Variants in SYNJ1 observed in about 807,000 individuals in gnomAD.
SYNJ1 encodes synaptojanin 1, also known as polyphosphatidylinositol phosphatase SYNJ1.
SYNJ1 carries 78 observed loss-of-function variants against 168.2 expected under a neutral mutation model. The observed-to-expected ratio is 0.46, with a 90% CI of 0.39 to 0.56. SYNJ1 has a LOEUF of 0.56. Among genes scored for constraint, SYNJ1 ranks in the 20% least tolerant of loss-of-function variants. SYNJ1 has a pLI of 0.00. For synonymous variants in SYNJ1, 539 were observed against 548.6 expected (o/e 0.98, Z 0.24); for missense variants, 1,303 against 1,597.6 (o/e 0.82, Z 3.14).
chr21:32,655,506 G>C (rs1015103722), intron 21 of SYNJ1, among the ~76,000 whole-genome samples: 6 of 152,098 alleles, frequency 3.9e-5, no homozygotes, highest in African/African-American at 1.4e-4. Context: ...AGGACTTGAG[G>C]TGTCTTTGAT....
In SYNJ1 at chr21:32,721,347, A is replaced by G. The variant is rs1165552933; in HGVS notation, c.124+5425T>C. Among the ~76,000 whole-genome samples, 5 of 152,266 alleles carry G rather than the reference A, an allele frequency of 3.3e-5. 1 individual carries two copies. Among genetic ancestry groups the G allele is most frequent in the African/African-American group, 1.2e-4 (5 of 41,474 alleles). On this transcript the variant is annotated intron_variant, in intron 2 of 32. Transcript: ENST00000674351. ...AGTGTTTTAAATAAATCAATGCAAC[A>G]GAAGAAATAATAATGAAATTATTTT...
chr21:32,639,731 G>C lies in SYNJ1; in HGVS notation c.3637C>G (p.Arg1213Gly), dbSNP rs779662077. The C allele has an allele frequency of 3.4e-5, 55 of 1,613,978 alleles. No homozygotes were observed. Among genetic ancestry groups the C allele is most frequent in the Non-Finnish European group, 4.4e-5 (52 of 1,180,024 alleles). The change falls in exon 30 of 33, where the codon CGG becomes GGG. Residue 1213 changes from arginine (R) to glycine (G), a missense_variant. Transcript: ENST00000674351. ...GGAGTCAGTCTTCCAGCAGATGCCC[G>C]CGCGTGGCTCTGTGGGGCACTGATA... ...GVISAPQSHA[R>G]ASAGRLTPES...
intron 6 of SYNJ1, among the ~76,000 whole-genome samples, chr21:32,691,822 C>T (rs1367685778): frequency 1.3e-5 from 2 of 152,120 alleles, no homozygotes; most frequent in Non-Finnish European, 1.5e-5. Flanking sequence ...AAATAACATA[C>T]ACAGGAAGAA....
At chr21:32,695,396 C>A (rs1418535749) in intron 4 of SYNJ1, 114 bp from the exon 5 acceptor site, 2 of 1,007,812 alleles carry the variant, frequency 2.0e-6, no homozygotes, top group Non-Finnish European at 2.8e-6. Flanking sequence ...AAGGCACAAA[C>A]AACAAATCAA....
At chr21:32,657,617 TC>T in intron 19 of SYNJ1, 98 bp downstream of exon 19, 2 of 1,160,380 alleles carry the variant, frequency 1.7e-6, no homozygotes. Flanking sequence ...AGTTAATGTT[TC>T]TTGAAAAACA....
rs1372718966 is a variant in SYNJ1 at position 32,650,349 on chromosome 21, A to G, written c.2875-3T>C. ...ATAGTTATAGTCCGATTCAATAACT[A>G]GCGGAGTAAAAGAGATATAAAATAA... On this transcript the variant is annotated splice_polypyrimidine_tract_variant and splice_region_variant and intron_variant, in intron 22 of 32. Coordinates refer to ENST00000674351, the MANE Select transcript of SYNJ1 (RefSeq NM_203446.3). 6.2e-7 allele frequency: 1 copy of G among 1,600,116 alleles called. No homozygotes were observed. The highest frequency in any genetic ancestry group is 2.2e-5 in the East Asian group (1 of 44,802).
At chr21:32,717,454 G>A (rs2043065986) in intron 2 of SYNJ1, among the ~76,000 whole-genome samples, 1 of 152,166 alleles carries the variant, frequency 6.6e-6, no homozygotes, top group African/African-American at 2.4e-5. Flanking sequence ...CTGGGATACA[G>A]TTATTTGGAA....
intron 8 of SYNJ1, among the ~76,000 whole-genome samples, chr21:32,686,161 T>TTAAA (rs1385433006): frequency 6.6e-6 from 1 of 152,174 alleles, no homozygotes; most frequent in Non-Finnish European, 1.5e-5. Context: ...AACTTACTAT[T>TTAAA]TAGACCTATT....
At chr21:32,687,143 C>G (rs536858266) in intron 7 of SYNJ1, 69 bp from the exon 8 acceptor site, 6 of 778,004 alleles carry the variant, frequency 7.7e-6, no homozygotes, top group Non-Finnish European at 1.2e-5. Flanking sequence ...AAACAATAAT[C>G]CATTATTAAA....
intron 11 of SYNJ1, among the ~76,000 whole-genome samples, chr21:32,680,862 C>G (rs1193155883): frequency 1.3e-5 from 2 of 152,192 alleles, no homozygotes; most frequent in Non-Finnish European, 2.9e-5. Flanking sequence ...AGTGATCCAC[C>G]TGCCTCAGCC....
chr21:32,673,485 A>G lies in SYNJ1; in HGVS notation c.1581T>C (p.Tyr527=), dbSNP rs756397560. 12 of 1,613,284 alleles carry G rather than the reference A, an allele frequency of 7.4e-6. No individual in the cohort carries two copies. The highest frequency in any genetic ancestry group is 1.3e-5 in the African/African-American group (1 of 74,890). ...LKSMCENFYK[Y]SKPKKIRVCV... ...ATACTCGAATTTTCTTAGGCTTTGA[A>G]TATTTGTAGAAATTCTCACACATGC... The change falls in exon 14 of 33, where the codon TAT becomes TAC. Residue 527 remains tyrosine (Y), a synonymous_variant. Transcript: ENST00000674351.
Position 32,639,712 on chromosome 21 carries a change from A to G in SYNJ1, c.3656T>C (p.Leu1219Pro), listed in dbSNP as rs2039744969. ...TGTTTTGCTTTGGCTTTCAGGAGTCAGTCTTCCAGCAGATGCCCGCGCGTG... is the reference window on the plus strand; with the variant it reads ...TGTTTTGCTTTGGCTTTCAGGAGTCGGTCTTCCAGCAGATGCCCGCGCGTG... ...QSHARASAGR[L>P]TPESQSKTSE... Residue 1219 changes from leucine to proline, a missense_variant, in exon 30 of 33, where the codon CTG (leucine) becomes CCG (proline). Leu to Pro is a moderately conservative substitution (Grantham distance 98). This residue lies in a region of SYNJ1 where 383 missense variants were observed against 388.8 expected (regional missense o/e 0.99). Transcript: ENST00000674351. 6.2e-7 allele frequency: 1 copy of G among 1,614,052 alleles called. No individual in the cohort carries two copies. Among genetic ancestry groups the G allele is most frequent in the African/African-American group, 1.3e-5 (1 of 74,924 alleles).
At chr21:32,715,133 C>A (rs531913027) in intron 2 of SYNJ1, among the ~76,000 whole-genome samples, 16 of 152,198 alleles carry the variant, frequency 1.1e-4, no homozygotes, top group African/African-American at 3.9e-4. Context: ...TAAGGTACAA[C>A]CAGCTAGAAA....
chr21:32,689,087 TAC>T (rs1398980504), intron 6 of SYNJ1, among the ~76,000 whole-genome samples: 2 of 152,192 alleles, frequency 1.3e-5, no homozygotes, highest in Non-Finnish European at 2.9e-5. Context: ...TTTCTTTTCT[TAC>T]ACAGGAGAAT....
chr21:32,643,345 G>A, intron 27 of SYNJ1, 65 bp downstream of exon 27: 1 of 1,543,660 alleles, frequency 6.5e-7, no homozygotes, highest in South Asian at 1.1e-5. Flanking sequence ...GGGGTGGGGA[G>A]GTGGGGCGCT....
intron 2 of SYNJ1, among the ~76,000 whole-genome samples, chr21:32,712,862 C>T (rs1299639016): frequency 3.9e-5 from 6 of 152,038 alleles, no homozygotes; most frequent in African/African-American, 9.7e-5. Flanking sequence ...GCCAAATAAA[C>T]GGTGGAGATA....
intron 2 of SYNJ1, among the ~76,000 whole-genome samples, chr21:32,706,553 C>A (rs2042616925): frequency 6.6e-6 from 1 of 151,372 alleles, no homozygotes; most frequent in Non-Finnish European, 1.5e-5. Context: ...ATACTTCAAC[C>A]TTTCTTTATG....
rs547415470 is a variant in SYNJ1, at chr21:32,657,852, T to C, written c.2325A>G (p.Glu775=). 23 of 1,609,088 alleles carry C rather than the reference T, an allele frequency of 1.4e-5. No homozygotes were observed. In the African/African-American group the frequency reaches 3.1e-4, roughly 22 times the overall value. ...ATGTCGGAGCAAAGGTTACCTTTCC[T>C]TCTAAAAATCCTCTAAAAACCTAAA... ...NAGQVFRGFL[E]GKVTFAPTYK... Residue 775 remains glutamate (E), a synonymous_variant, in exon 19 of 33, where the codon GAA becomes GAG. Transcript: ENST00000674351.
chr21:32,711,458 G>T (rs989641793), intron 2 of SYNJ1, among the ~76,000 whole-genome samples: 1 of 151,776 alleles, frequency 6.6e-6, no homozygotes, highest in Non-Finnish European at 1.5e-5. Flanking sequence ...TCAGCCTCCA[G>T]AGTAGCTGGG....
Sources: gnomAD v4.1 joint callset for allele counts (sites outside exome capture counted in the v4.1 genomes callset) on GRCh38, gnomAD v4.1.1 for gene constraint, gnomAD v4.1.1 regional missense constraint, MANE v1.5 for transcripts, NCBI Gene and HGNC (gene_info 2026-07-23, HGNC 2026-07-21) for gene names.